The following DLG2 variants were observed in gnomAD, a reference collection of about 807,000 sequenced individuals.
DLG2 encodes disks large homolog 2.
Under a neutral mutation model 132.5 loss-of-function variants are expected in DLG2, and 45 were observed. The ratio of observed to expected loss-of-function variants is 0.34; its 90% confidence interval spans 0.27 to 0.44. The LOEUF is 0.44. Ranked by LOEUF, DLG2 falls within the 20% of genes least tolerant of loss-of-function variation. The pLI, the probability that DLG2 is intolerant of heterozygous loss-of-function variation, is 1.00. For missense variants in DLG2, 1,045 were observed against 1,196.9 expected, an observed-to-expected ratio of 0.87 and a Z score of 1.87; for synonymous variants, 424 against 419.6, an observed-to-expected ratio of 1.01 and a Z score of -0.13.
chr11:84,945,791 G>A (rs775644544), intron 6 of DLG2, among the ~76,000 whole-genome samples: 5 of 152,066 alleles, frequency 3.3e-5, no homozygotes, highest in Non-Finnish European at 5.9e-5. Flanking sequence ...TGCATCCCAC[G>A]TCCACTGGGA....
intron 6 of DLG2, among the ~76,000 whole-genome samples, chr11:84,743,857 T>C (rs1293626869): frequency 1.3e-5 from 2 of 152,118 alleles, no homozygotes; most frequent in Non-Finnish European, 2.9e-5. Context: ...CCTGAGTAGC[T>C]GGGACTACAG....
intron 6 of DLG2, among the ~76,000 whole-genome samples, chr11:84,916,544 C>T (rs2092482202): frequency 6.6e-6 from 1 of 151,934 alleles, no homozygotes; most frequent in Non-Finnish European, 1.5e-5. Context: ...AATTGAACAA[C>T]TTGTCCCCAG....
intron 6 of DLG2, among the ~76,000 whole-genome samples, chr11:84,588,162 T>C (rs1319589984): frequency 2.0e-5 from 3 of 152,148 alleles, no homozygotes; most frequent in Non-Finnish European, 4.4e-5. Context: ...TGCCTCTCCA[T>C]TCAACTAACA....
At chr11:85,324,543 C>T (rs1289135952) in intron 3 of DLG2, among the ~76,000 whole-genome samples, 1 of 152,040 alleles carries the variant, frequency 6.6e-6, no homozygotes, top group Non-Finnish European at 1.5e-5. Context: ...GAGCATCATC[C>T]CCATTTCCTA....
chr11:84,043,207 A>C (rs940171659), intron 11 of DLG2, among the ~76,000 whole-genome samples: 1 of 151,454 alleles, frequency 6.6e-6, no homozygotes, highest in African/African-American at 2.4e-5. Context: ...TAAATAAATA[A>C]ATTTAAAAAA....
intron 6 of DLG2, among the ~76,000 whole-genome samples, chr11:84,763,964 T>C (rs1038159348): frequency 1.3e-5 from 2 of 152,162 alleles, no homozygotes; most frequent in African/African-American, 4.8e-5. Context: ...CATAATATTC[T>C]ACCATAGATA....
At chr11:83,511,073 AAC>A (rs142149345) in intron 21 of DLG2, among the ~76,000 whole-genome samples, 2 of 88,374 alleles carry the variant, frequency 2.3e-5, no homozygotes, top group Non-Finnish European at 2.6e-5. Flanking sequence ...CACTTGCTCA[AAC>A]ACACACACAC....
At chr11:85,503,553 A>G (rs968009599) in intron 3 of DLG2, among the ~76,000 whole-genome samples, 1 of 152,124 alleles carries the variant, frequency 6.6e-6, no homozygotes, top group African/African-American at 2.4e-5. Context: ...GTGATTGGAT[A>G]ATGAAGGTTC....
At chr11:85,250,983 C>T (rs1453034916) in intron 4 of DLG2, among the ~76,000 whole-genome samples, 3 of 152,168 alleles carry the variant, frequency 2.0e-5, no homozygotes, top group African/African-American at 7.2e-5. Flanking sequence ...GGAGACCTAG[C>T]AAAGGGTGAG....
chr11:84,183,104 T>C (rs1372614623), intron 8 of DLG2, among the ~76,000 whole-genome samples: 1 of 152,150 alleles, frequency 6.6e-6, no homozygotes, highest in African/African-American at 2.4e-5. Context: ...ATTAATAACC[T>C]TCCCAAACAG....
At chr11:84,124,305 C>T (rs1317544167) in intron 9 of DLG2, among the ~76,000 whole-genome samples, 1 of 152,142 alleles carries the variant, frequency 6.6e-6, no homozygotes, top group East Asian at 1.9e-4. Context: ...TAAAACAAAC[C>T]TCTCCATGAG....
At chr11:84,337,665 C>CA (rs2098493472) in intron 7 of DLG2, among the ~76,000 whole-genome samples, 1 of 152,086 alleles carries the variant, frequency 6.6e-6, no homozygotes, top group Admixed American at 6.6e-5. Flanking sequence ...CTGACTAGGT[C>CA]TCCCATCTCT....
chr11:84,190,081 T>C (rs190307563), intron 8 of DLG2, among the ~76,000 whole-genome samples: 281 of 151,556 alleles, frequency 1.9e-3, no homozygotes, highest in African/African-American at 6.4e-3. Flanking sequence ...TGGGAGTCCA[T>C]AGAAGACACA....
At chr11:84,974,221 C>T (rs4943908) in intron 6 of DLG2, among the ~76,000 whole-genome samples, 84,049 of 151,968 alleles carry the variant, frequency 0.55, 23,879 homozygotes, top group African/African-American at 0.68. Context: ...ATAGGTGTTC[C>T]TTTTCTGTTC....
chr11:83,649,644 A>G (rs947056285), intron 18 of DLG2, among the ~76,000 whole-genome samples: 1 of 152,176 alleles, frequency 6.6e-6, no homozygotes, highest in Non-Finnish European at 1.5e-5. Flanking sequence ...TTTTACATCG[A>G]AAGTGCTGAC....
At chr11:85,098,985 A>G (rs2070395455) in intron 6 of DLG2, among the ~76,000 whole-genome samples, 2 of 152,196 alleles carry the variant, frequency 1.3e-5, no homozygotes, top group African/African-American at 4.8e-5. Context: ...TCAGTACATT[A>G]ATCTAGGCTT....
chr11:84,569,524 GA>G (rs1205926579), intron 6 of DLG2, among the ~76,000 whole-genome samples: 2 of 150,950 alleles, frequency 1.3e-5, no homozygotes, highest in East Asian at 3.9e-4. Context: ...TGAGAAGTTT[GA>G]AAAAAAATAA....
At chr11:84,377,943 G>T (rs1428475802) in intron 7 of DLG2, among the ~76,000 whole-genome samples, 1 of 152,108 alleles carries the variant, frequency 6.6e-6, no homozygotes, top group African/African-American at 2.4e-5. Flanking sequence ...TTAGCCTAGG[G>T]CTCACACAAG....
At chr11:83,630,828 GC>G (rs1278171947) in intron 19 of DLG2, among the ~76,000 whole-genome samples, 4 of 152,102 alleles carry the variant, frequency 2.6e-5, no homozygotes, top group African/African-American at 9.7e-5. Flanking sequence ...TAAGCAGAGG[GC>G]CCAATGATAG....
Sources: allele counts gnomAD v4.1 joint callset (sites outside exome capture counted in the v4.1 genomes callset), GRCh38; gene constraint gnomAD v4.1.1; transcripts MANE v1.5; gene names NCBI Gene and HGNC (gene_info 2026-07-23, HGNC 2026-07-21).